The following DMXL1 variants were observed in gnomAD, a reference collection of about 807,000 sequenced individuals.
The protein encoded by DMXL1 is dmX-like protein 1.
Under a neutral mutation model 319.2 loss-of-function variants are expected in DMXL1, and 99 were observed. The observed-to-expected ratio is 0.31, with a 90% confidence interval of 0.26 to 0.37. The LOEUF (loss-of-function observed/expected upper bound fraction) is 0.37, where lower values mean the gene tolerates loss of function less well. DMXL1 is among the 10% of genes least tolerant of loss of function. DMXL1 has a pLI of 1.00. For missense variants in DMXL1, 3,745 were observed against 3,595.6 expected (o/e 1.04, Z -1.06); for synonymous variants, 1,385 against 1,235.2 (o/e 1.12, Z -2.54).
intron 2 of DMXL1, among the ~76,000 whole-genome samples, chr5:119,101,711 G>C (rs1757318583): frequency 6.6e-6 from 1 of 152,110 alleles, no homozygotes; most frequent in African/African-American, 2.4e-5. Flanking sequence ...ACACTGTAAT[G>C]GAAACTAACG....
intron 1 of DMXL1, among the ~76,000 whole-genome samples, chr5:119,080,641 G>A (rs1751994281): frequency 6.6e-6 from 1 of 152,094 alleles, no homozygotes; most frequent in South Asian, 2.1e-4. Context: ...TGTTGAAATA[G>A]CCTTTTAACC....
intron 28 of DMXL1, among the ~76,000 whole-genome samples, chr5:119,179,723 C>T (rs1776460995): frequency 6.6e-6 from 1 of 152,134 alleles, no homozygotes; most frequent in Admixed American, 6.6e-5. Flanking sequence ...AGCAAAAAAT[C>T]ATGATGGCCT....
At chr5:119,166,585 A>C in intron 21 of DMXL1, 31 bp from the exon 22 acceptor site, 3 of 1,575,960 alleles carry the variant, frequency 1.9e-6, no homozygotes, top group Non-Finnish European at 2.6e-6. Flanking sequence ...TTGTATTCCA[A>C]AATTTTCACA....
chr5:119,077,584 A>C (rs1333783159), intron 1 of DMXL1, among the ~76,000 whole-genome samples: 2 of 140,530 alleles, frequency 1.4e-5, no homozygotes. Context: ...CCTGGCCTGA[A>C]GCGATCCTCC....
chr5:119,237,341 A>G lies in DMXL1; in HGVS notation c.8486A>G (p.Asp2829Gly), dbSNP rs372035848. The change falls in exon 40 of 44, where the codon GAT becomes GGT. Residue 2829 changes from aspartate (D) to glycine (G), a missense_variant. Physicochemically the swap from Asp to Gly is moderately conservative, Grantham distance 94 (BLOSUM62 -1). Coordinates refer to ENST00000539542, the MANE Select transcript of DMXL1 (RefSeq NM_001290321.3). ...TCTAAGTTTGGAATAGTTGATGCTG[A>G]TGGATATTTAAGTTTGTATCAAACA... ...QGNKFGIVDA[D>G]GYLSLYQTNW... 20 of 1,594,636 alleles carry G rather than the reference A, an allele frequency of 1.3e-5. No individual in the cohort carries two copies. Among genetic ancestry groups the G allele is most frequent in the Non-Finnish European group, 1.6e-5 (19 of 1,166,714 alleles).
chr5:119,193,005 C>T (rs1330874711), intron 29 of DMXL1, among the ~76,000 whole-genome samples: 1 of 152,178 alleles, frequency 6.6e-6, no homozygotes, highest in Non-Finnish European at 1.5e-5. Flanking sequence ...TATCTTAAAT[C>T]TACTACTTGT....
In DMXL1 at chr5:119,171,872, C is replaced by T; in HGVS notation, c.6584C>T (p.Ala2195Val). 6.2e-7 allele frequency: 1 copy of T among 1,613,848 alleles called. No homozygotes were observed. Among genetic ancestry groups the T allele is most frequent in the Non-Finnish European group, 8.5e-7 (1 of 1,179,832 alleles). The change falls in exon 25 of 44, where the codon GCC (alanine) becomes GTC (valine). Residue 2195 changes from alanine (A) to valine (V), a missense_variant. This residue lies in a region of DMXL1 where 1,382 missense variants were observed against 1,269.5 expected (regional missense o/e 1.09). Transcript: ENST00000539542. Reference sequence around the variant, plus strand: ...ACAGCCAATGCCAAAACAGTAGTTGCCAATCCATTATTGCACCTTAGTAAT... The same window carrying T: ...ACAGCCAATGCCAAAACAGTAGTTGTCAATCCATTATTGCACCTTAGTAAT... ...ACTANAKTVV[A>V]NPLLHLSNLT...
chr5:119,220,433 C>T lies in DMXL1; in HGVS notation c.8014-39C>T, dbSNP rs747623625. On this transcript the variant is annotated intron_variant, in intron 35 of 43. Coordinates refer to ENST00000539542, the MANE Select transcript of DMXL1 (RefSeq NM_001290321.3). ...AGCAGCTCATATACTATCTCTTTTG[C>T]CTATTGCTTTTAAAATTACCATTTG... 52 of 1,601,454 alleles carry T rather than the reference C, an allele frequency of 3.2e-5. No individual in the cohort carries two copies. The Admixed American group carries it at 3.6e-4, about 11-fold the overall frequency.
At chr5:119,245,369 A>G (rs1052757943) in intron 43 of DMXL1, among the ~76,000 whole-genome samples, 2 of 152,190 alleles carry the variant, frequency 1.3e-5, no homozygotes, top group African/African-American at 4.8e-5. Flanking sequence ...AAAACCAGCA[A>G]ATTGTTTTCA....
At chr5:119,130,435 C>G (rs543738724) in intron 10 of DMXL1, among the ~76,000 whole-genome samples, 24 of 152,058 alleles carry the variant, frequency 1.6e-4, no homozygotes, top group African/African-American at 5.1e-4. Flanking sequence ...CTCCACCTCC[C>G]GGGTTCAAGC....
Position 119,171,900 on chromosome 5 carries a change from G to T in DMXL1, c.6612G>T (p.Leu2204=). 6.2e-7 allele frequency: 1 copy of T among 1,613,722 alleles called. No individual in the cohort carries two copies. Residue 2204 remains leucine (L), a synonymous_variant, in exon 25 of 44, where the codon CTG becomes CTT. Coordinates refer to ENST00000539542, the MANE Select transcript of DMXL1 (RefSeq NM_001290321.3). ...ATCCATTATTGCACCTTAGTAATCT[G>T]ACACATGATATTCTCCATGCCATAA... The part of the protein sequence containing the change: ...VANPLLHLSN[L]THDILHAIIN...
rs556071016 is a variant in DMXL1 at position 119,096,877 on chromosome 5, G to C, written c.88-1102G>C. 3.3e-5 allele frequency among the ~76,000 whole-genome samples: 5 copies of C among 152,338 alleles called. No homozygotes were observed. In the South Asian group the frequency reaches 8.3e-4, roughly 25 times the overall value. On this transcript the variant is annotated intron_variant, in intron 1 of 43. Coordinates refer to ENST00000539542, the MANE Select transcript of DMXL1 (RefSeq NM_001290321.3). The stretch of plus-strand genomic sequence containing the variant: ...TATTAGCTGCATTCTAGGCCCTTGT[G>C]TTAGAATTGAGGACTAGAGTAGAGA...
chr5:119,227,254 T>G (rs1785763280), intron 38 of DMXL1, among the ~76,000 whole-genome samples: 1 of 107,118 alleles, frequency 9.3e-6, no homozygotes, highest in African/African-American at 3.0e-5. Context: ...CCTGTTTAAT[T>G]TTTTTCCCCT....
Position 119,189,706 on chromosome 5 carries a change from A to G in DMXL1, c.7136-2A>G. The G allele has an allele frequency of 1.9e-6, 3 of 1,612,184 alleles. No homozygotes were observed. Among genetic ancestry groups the G allele is most frequent in the Non-Finnish European group, 2.5e-6 (3 of 1,178,684 alleles). ...AGTAACATTTTATTTTCTTTTTGTTAGTTTCTTCACTAGTTGAAGAAGGAG... is the reference window on the plus strand; with the variant it reads ...AGTAACATTTTATTTTCTTTTTGTTGGTTTCTTCACTAGTTGAAGAAGGAG... On this transcript the variant is annotated splice_acceptor_variant, in intron 28 of 43. Coordinates refer to ENST00000539542, the MANE Select transcript of DMXL1 (RefSeq NM_001290321.3). LOFTEE classifies it high-confidence loss of function.
chr5:119,213,061 A>C (rs147838009), intron 34 of DMXL1, among the ~76,000 whole-genome samples: 1 of 152,366 alleles, frequency 6.6e-6, no homozygotes, highest in East Asian at 1.9e-4. Flanking sequence ...AGCTTGCCTC[A>C]CTTTACATTT....
intron 1 of DMXL1, among the ~76,000 whole-genome samples, chr5:119,077,340 A>T (rs1362911930): frequency 6.6e-6 from 1 of 152,140 alleles, no homozygotes; most frequent in African/African-American, 2.4e-5. Flanking sequence ...TGCTGCTATT[A>T]TTGTTTTGAT....
intron 34 of DMXL1, among the ~76,000 whole-genome samples, chr5:119,209,499 A>G (rs1264000271): frequency 6.6e-6 from 1 of 151,892 alleles, no homozygotes; most frequent in Non-Finnish European, 1.5e-5. Context: ...ACAGGCATGC[A>G]TCACCATGCC....
chr5:119,144,777 T>A, intron 15 of DMXL1, 139 bp downstream of exon 15: 1 of 504,766 alleles, frequency 2.0e-6, no homozygotes, highest in South Asian at 3.9e-5. Flanking sequence ...ATATTTATCA[T>A]AAATATGAGT....
At chr5:119,165,846 C>T (rs112963016) in intron 21 of DMXL1, among the ~76,000 whole-genome samples, 3,380 of 152,300 alleles carry the variant, frequency 0.022, 125 homozygotes, top group African/African-American at 0.076. Context: ...CACTGGGTCC[C>T]TCCCACAGCA....
Sources: gnomAD v4.1 joint callset for allele counts (sites outside exome capture counted in the v4.1 genomes callset) on GRCh38, gnomAD v4.1.1 for gene constraint, gnomAD v4.1.1 regional missense constraint, MANE v1.5 for transcripts, NCBI Gene and HGNC (gene_info 2026-07-23, HGNC 2026-07-21) for gene names.